The following FOXN3 variants were observed in gnomAD, a reference collection of about 807,000 sequenced individuals.
FOXN3 encodes the protein forkhead box protein N3.
A neutral mutation model predicts 38.4 loss-of-function variants in FOXN3; 7 were observed. The ratio of observed to expected loss-of-function variants is 0.18; its 90% CI spans 0.10 to 0.34. FOXN3 has a LOEUF of 0.34. Ranked by LOEUF, FOXN3 falls within the 10% of genes least tolerant of loss-of-function variation. FOXN3 has a pLI of 1.00. For missense variants in FOXN3, 456 were observed against 613.4 expected, an observed-to-expected ratio of 0.74 and a Z score of 2.71; for synonymous variants, 230 against 242.2, an observed-to-expected ratio of 0.95 and a Z score of 0.47.
chr14:89,461,254 T>C (rs1386559020), intron 1 of FOXN3, among the ~76,000 whole-genome samples: 1 of 151,826 alleles, frequency 6.6e-6, no homozygotes, highest in African/African-American at 2.4e-5. Flanking sequence ...GGAGAATCGC[T>C]TGAACCTGGG....
In FOXN3 at chr14:89,467,816, T is replaced by C. The variant is rs1439606631; in HGVS notation, c.-14-55326A>G. 4.1e-4 allele frequency among the ~76,000 whole-genome samples: 54 copies of C among 130,796 alleles called. 2 individuals carry two copies. Among genetic ancestry groups the C allele is most frequent in the African/African-American group, 1.3e-3 (48 of 36,144 alleles). The allele number at this position is 130,796 out of a possible 152,430, so 85.8% of individuals were successfully genotyped here. A position where few individuals can be genotyped will look rare whatever the true frequency, so the allele number is the denominator to read the frequency against. ...CTTTTCTTTCTTTGTTTTTTTTTTTTTTTTTTTTTTTTGGGTAGAGATTAG... is the reference window on the plus strand; with the variant it reads ...CTTTTCTTTCTTTGTTTTTTTTTTTCTTTTTTTTTTTTGGGTAGAGATTAG... On this transcript the variant is annotated intron_variant, in intron 1 of 6. Coordinates refer to the FOXN3 transcript ENST00000345097.
At chr14:89,204,311 T>C (rs1888321751) in intron 4 of FOXN3, among the ~76,000 whole-genome samples, 1 of 152,140 alleles carries the variant, frequency 6.6e-6, no homozygotes, top group African/African-American at 2.4e-5. Flanking sequence ...TGATGGTGCA[T>C]GGCTGGGCTG....
In FOXN3 at chr14:89,162,995, G is replaced by A; in HGVS notation, c.852-26C>T. The A allele has an allele frequency of 6.6e-7, 1 of 1,515,136 alleles. No homozygotes were observed. Among genetic ancestry groups the A allele is most frequent in the Non-Finnish European group, 8.8e-7 (1 of 1,132,208 alleles). 93.9% of individuals were successfully genotyped at this position (1,515,136 alleles called of 1,614,324 possible). On this transcript the variant is annotated intron_variant, in intron 5 of 5. Transcript: ENST00000557258. This position sits in a 1 kb window ranked among gnomAD's most constrained non-coding sequence, Gnocchi z 7.2. ...CTGCAGAGCGAGGACAGTGGGGAGGGACGGGAGACAAAGAAGGGACACAGT... is the reference window on the plus strand; with the variant it reads ...CTGCAGAGCGAGGACAGTGGGGAGGAACGGGAGACAAAGAAGGGACACAGT...
chr14:89,609,801 G>A (rs975634131), intron 1 of FOXN3, among the ~76,000 whole-genome samples: 9 of 152,138 alleles, frequency 5.9e-5, no homozygotes, highest in Non-Finnish European at 8.8e-5. Flanking sequence ...GGAAGCACCA[G>A]TAAGGGTTGT....
intron 1 of FOXN3, among the ~76,000 whole-genome samples, chr14:89,557,167 A>C (rs1360803254): frequency 6.6e-6 from 1 of 152,210 alleles, no homozygotes; most frequent in Non-Finnish European, 1.5e-5. Context: ...TATGATGAGC[A>C]GTTTTTCATA....
At chr14:89,228,980 G>A (rs1884720799) in intron 4 of FOXN3, among the ~76,000 whole-genome samples, 1 of 152,194 alleles carries the variant, frequency 6.6e-6, no homozygotes, top group African/African-American at 2.4e-5. Context: ...CATGCTGGCT[G>A]TAAAAACGGG....
At chr14:89,264,875 C>G (rs796393477) in intron 4 of FOXN3, among the ~76,000 whole-genome samples, 36 of 152,328 alleles carry the variant, frequency 2.4e-4, no homozygotes, top group African/African-American at 8.7e-4. Context: ...ACATCCCCCT[C>G]CTATCACTGC....
intron 1 of FOXN3, among the ~76,000 whole-genome samples, chr14:89,502,259 C>T (rs757299449): frequency 6.6e-6 from 1 of 152,176 alleles, no homozygotes; most frequent in East Asian, 1.9e-4. Flanking sequence ...AAATGACAGG[C>T]ACCAAACTCA....
At chr14:89,409,942 C>A (rs1422571215) in intron 2 of FOXN3, among the ~76,000 whole-genome samples, 1 of 152,244 alleles carries the variant, frequency 6.6e-6, no homozygotes, top group East Asian at 1.9e-4. Flanking sequence ...ATGGTTACAG[C>A]TACACAAAAA....
chr14:89,497,563 T>C (rs1341145439), intron 1 of FOXN3, among the ~76,000 whole-genome samples: 4 of 151,910 alleles, frequency 2.6e-5, no homozygotes, highest in Admixed American at 2.0e-4. Flanking sequence ...TGCACCACCA[T>C]GCCCGGCTAA....
chr14:89,234,863 C>T (rs949688153), intron 4 of FOXN3, among the ~76,000 whole-genome samples: 23 of 152,168 alleles, frequency 1.5e-4, no homozygotes, highest in African/African-American at 1.7e-4. Context: ...ACCTAGCCCT[C>T]GTTGCCAGCA....
intron 1 of FOXN3, among the ~76,000 whole-genome samples, chr14:89,511,185 CTTTCTTTTCTTTCTTTCT>C (rs1894063476): frequency 5.7e-5 from 2 of 34,936 alleles, no homozygotes; most frequent in Admixed American, 4.4e-4. Flanking sequence ...TTCTTTCTTT[CTTTCTTTTCTTTCTTTCT>C]TTTCTTTCTT....
rs1268687641 is a variant in FOXN3, at chr14:89,417,026, G to C, written c.-170C>G. ...CCGGGGCGGCGGGCGGCGGGGGGCG[G>C]CCGCGGGCGCGGGCGGCAGGGGCGC... On this transcript the variant is annotated 5_prime_UTR_variant, in exon 1 of 6. Coordinates refer to ENST00000557258, the MANE Select transcript of FOXN3 (RefSeq NM_005197.4). 2 of 144,774 alleles carry C rather than the reference G, an allele frequency of 1.4e-5. No homozygotes were observed. Among genetic ancestry groups the C allele is most frequent in the Admixed American group, 6.8e-5 (1 of 14,618 alleles). The allele number at this position is 144,774 out of a possible 1,614,324, so 9.0% of individuals were successfully genotyped here. A position where few individuals can be genotyped will look rare whatever the true frequency, so the allele number is the denominator to read the frequency against.
At chr14:89,195,632 T>A (rs1888079355) in intron 4 of FOXN3, among the ~76,000 whole-genome samples, 1 of 152,160 alleles carries the variant, frequency 6.6e-6, no homozygotes, top group African/African-American at 2.4e-5. Flanking sequence ...ATTGGCTTTG[T>A]AGGATCTTCC....
chr14:89,262,109 A>C lies in FOXN3; in HGVS notation c.745+18841T>G, dbSNP rs529475750. ...CAGAGAGAGACCCTGTCTCAAAAGA[A>C]AAAAAAAAGGAGAAGAAGAAGAAGA... On this transcript the variant is annotated intron_variant, in intron 4 of 5. Transcript: ENST00000557258. Among the ~76,000 whole-genome samples the C allele has an allele frequency of 2.0e-5, 3 of 150,960 alleles. No individual in the cohort carries two copies. The South Asian group carries it at 6.3e-4, about 32-fold the overall frequency.
At chr14:89,255,816 G>GA (rs1363735497) in intron 4 of FOXN3, among the ~76,000 whole-genome samples, 1 of 152,124 alleles carries the variant, frequency 6.6e-6, no homozygotes, top group Non-Finnish European at 1.5e-5. Flanking sequence ...CACCATTCAT[G>GA]ACTGTCCTCA....
chr14:89,215,201 T>TTC (rs943235934), intron 4 of FOXN3, among the ~76,000 whole-genome samples: 1 of 151,108 alleles, frequency 6.6e-6, no homozygotes, highest in African/African-American at 2.4e-5. Context: ...GGAACCCAAT[T>TTC]TTTTTTTTTT....
chr14:89,469,045 T>A (rs560426941), intron 1 of FOXN3, among the ~76,000 whole-genome samples: 75 of 152,342 alleles, frequency 4.9e-4, no homozygotes, highest in African/African-American at 1.8e-3. Flanking sequence ...TGCTCTCTAA[T>A]AAGCAAGTGA....
At chr14:89,392,776 G>A (rs1439089407) in intron 2 of FOXN3, among the ~76,000 whole-genome samples, 2 of 149,940 alleles carry the variant, frequency 1.3e-5, no homozygotes, top group Admixed American at 1.3e-4. Flanking sequence ...GAATAGCTGG[G>A]ATTACAGGTA....
Sources: gnomAD v4.1 joint callset for allele counts (sites outside exome capture counted in the v4.1 genomes callset) on GRCh38, gnomAD v4.1.1 for gene constraint, Gnocchi (gnomAD v3.1) non-coding constraint, MANE v1.5 for transcripts, NCBI Gene and HGNC (gene_info 2026-07-23, HGNC 2026-07-21) for gene names.